The following PTPRD variants were observed in gnomAD, a reference collection of about 807,000 sequenced individuals.
PTPRD encodes the protein receptor-type tyrosine-protein phosphatase delta.
A neutral mutation model predicts 214.5 loss-of-function variants in PTPRD; 34 were observed. The observed-to-expected ratio is 0.16, with a 90% CI of 0.12 to 0.21. PTPRD has a LOEUF of 0.21. Among genes scored for constraint, PTPRD ranks in the 10% least tolerant of loss-of-function variants. The pLI, the probability that PTPRD is intolerant of heterozygous loss-of-function variation, is 1.00. For synonymous variants in PTPRD, 1,128 were observed against 845.7 expected (o/e 1.33, Z -5.79); for missense variants, 2,545 against 2,398.7 (o/e 1.06, Z -1.27).
intron 4 of PTPRD, among the ~76,000 whole-genome samples, chr9:9,970,932 T>A (rs899605247): frequency 4.6e-5 from 7 of 152,338 alleles, no homozygotes; most frequent in African/African-American, 1.7e-4. Flanking sequence ...TGTTCTAAAT[T>A]TTAAATTTAA....
intron 34 of PTPRD, among the ~76,000 whole-genome samples, chr9:8,441,614 G>A (rs887265265): frequency 2.6e-5 from 4 of 151,932 alleles, no homozygotes; most frequent in Non-Finnish European, 4.4e-5. Flanking sequence ...AGTGTTGGGA[G>A]TGACAGACTG....
chr9:9,998,129 A>AAAAAAAAAAATAT (rs57991748), intron 4 of PTPRD, among the ~76,000 whole-genome samples: 4 of 91,496 alleles, frequency 4.4e-5, no homozygotes, highest in South Asian at 3.3e-4. Context: ...AAAAAAAAAA[A>AAAAAAAAAAATAT]ATATATATAT....
At chr9:9,024,133 T>C (rs1259793678) in intron 10 of PTPRD, among the ~76,000 whole-genome samples, 1 of 151,744 alleles carries the variant, frequency 6.6e-6, no homozygotes, top group Non-Finnish European at 1.5e-5. Flanking sequence ...AGCTACCCAG[T>C]CTCTTTTCTA....
At chr9:10,166,795 C>G (rs1210413564) in intron 3 of PTPRD, among the ~76,000 whole-genome samples, 1 of 152,072 alleles carries the variant, frequency 6.6e-6, no homozygotes, top group East Asian at 1.9e-4. Flanking sequence ...AGTTTTTCCA[C>G]TATATCAGAT....
At chr9:8,909,323 G>A (rs1179081968) in intron 11 of PTPRD, among the ~76,000 whole-genome samples, 2 of 152,000 alleles carry the variant, frequency 1.3e-5, no homozygotes, top group Non-Finnish European at 2.9e-5. Flanking sequence ...AAACTTTAAA[G>A]CAATATTGCT....
At chr9:8,822,072 G>C (rs1178181402) in intron 11 of PTPRD, among the ~76,000 whole-genome samples, 2 of 152,202 alleles carry the variant, frequency 1.3e-5, no homozygotes, top group Non-Finnish European at 2.9e-5. Context: ...TGTGAAAGCA[G>C]AAAACACATT....
chr9:10,132,620 T>C (rs1182458348), intron 3 of PTPRD, among the ~76,000 whole-genome samples: 2 of 152,184 alleles, frequency 1.3e-5, no homozygotes, highest in Non-Finnish European at 2.9e-5. Flanking sequence ...AGCTCTGCTA[T>C]GCTAAGAATA....
intron 29 of PTPRD, among the ~76,000 whole-genome samples, chr9:8,484,915 T>C (rs2096965841): frequency 6.6e-6 from 1 of 152,162 alleles, no homozygotes; most frequent in African/African-American, 2.4e-5. Context: ...TATAAATAGG[T>C]AGAAACCATG....
In PTPRD at chr9:9,724,728, T is replaced by G. The variant is rs547613925; in HGVS notation, c.-287+9805A>C. 2.0e-5 allele frequency among the ~76,000 whole-genome samples: 3 copies of G among 152,260 alleles called. No individual in the cohort carries two copies. In the South Asian group the frequency reaches 6.2e-4, roughly 32 times the overall value. On this transcript the variant is annotated intron_variant, in intron 7 of 45. Coordinates refer to ENST00000381196, the MANE Select transcript of PTPRD (RefSeq NM_002839.4). ...GATATTGTTGTAAGCACTACAAAAG[T>G]TGCATGTAATATCTTTACAACTGCT... is the stretch of plus-strand genomic sequence containing the variant.
intron 7 of PTPRD, among the ~76,000 whole-genome samples, chr9:9,732,081 G>A (rs1001211310): frequency 1.3e-5 from 2 of 152,088 alleles, no homozygotes; most frequent in African/African-American, 4.8e-5. Context: ...CCAGGAGAAA[G>A]TGGGACTTGA....
At chr9:8,714,815 C>T (rs1489141083) in intron 12 of PTPRD, among the ~76,000 whole-genome samples, 1 of 152,146 alleles carries the variant, frequency 6.6e-6, no homozygotes. Flanking sequence ...TTTCTCCCAC[C>T]ATAATACTTA....
chr9:8,491,475 T>C (rs997135499), intron 27 of PTPRD, among the ~76,000 whole-genome samples: 3 of 152,114 alleles, frequency 2.0e-5, no homozygotes, highest in Admixed American at 2.0e-4. Context: ...TTCAGAGTTA[T>C]TATGACATAT....
At chr9:9,606,074 A>T (rs1265020197) in intron 7 of PTPRD, among the ~76,000 whole-genome samples, 1 of 152,090 alleles carries the variant, frequency 6.6e-6, no homozygotes, top group African/African-American at 2.4e-5. Context: ...CTTGAAGACT[A>T]GAATGAATTT....
rs193082502 is a variant in PTPRD at position 9,894,896 on chromosome 9, C to G, written c.-368+43611G>C. ...GTTTCTCTGATTTTAACTGTAAGAA[C>G]AAAAGAGCCAGAAATGGCTTTTGAT... On this transcript the variant is annotated intron_variant, in intron 5 of 45. Transcript: ENST00000381196. Among the ~76,000 whole-genome samples the G allele has an allele frequency of 9.2e-4, 139 of 151,790 alleles. 2 individuals carry two copies. The highest frequency in any genetic ancestry group is 3.3e-3 in the African/African-American group (135 of 41,416).
intron 4 of PTPRD, among the ~76,000 whole-genome samples, chr9:10,015,244 T>C (rs1192559704): frequency 6.6e-6 from 1 of 152,160 alleles, no homozygotes; most frequent in Admixed American, 6.5e-5. Flanking sequence ...TAGCTAACAA[T>C]GCCGCTAATT....
At chr9:9,088,237 A>T (rs148955325) in intron 10 of PTPRD, among the ~76,000 whole-genome samples, 1,789 of 151,918 alleles carry the variant, frequency 0.012, 16 homozygotes, top group Middle Eastern at 0.031. Flanking sequence ...CCTGCCAGAA[A>T]AGAAAGTTCT....
intron 12 of PTPRD, among the ~76,000 whole-genome samples, chr9:8,667,296 G>T (rs1396991897): frequency 1.3e-5 from 2 of 152,180 alleles, no homozygotes; most frequent in Non-Finnish European, 2.9e-5. Context: ...CCGAGATCAT[G>T]CCATTGCACT....
intron 3 of PTPRD, among the ~76,000 whole-genome samples, chr9:10,257,411 A>G (rs1007318034): frequency 6.6e-6 from 1 of 152,170 alleles, no homozygotes; most frequent in Non-Finnish European, 1.5e-5. Context: ...CATCCTTCTG[A>G]GCAAAATTGC....
intron 11 of PTPRD, among the ~76,000 whole-genome samples, chr9:8,797,921 G>C (rs1469083694): frequency 6.6e-6 from 1 of 151,042 alleles, no homozygotes; most frequent in Non-Finnish European, 1.5e-5. Flanking sequence ...CGAAGCTGGA[G>C]TGCAGTGGCA....
Sources: allele counts gnomAD v4.1 joint callset (sites outside exome capture counted in the v4.1 genomes callset), GRCh38; gene constraint gnomAD v4.1.1; transcripts MANE v1.5; gene names NCBI Gene and HGNC (gene_info 2026-07-23, HGNC 2026-07-21).